Variants in TSHZ2 observed in about 807,000 individuals in gnomAD.
The protein encoded by TSHZ2 is teashirt homolog 2.
Under a neutral mutation model 74.4 loss-of-function variants are expected in TSHZ2, and 21 were observed. The observed-to-expected ratio is 0.28, with a 90% confidence interval of 0.20 to 0.41. TSHZ2 has a LOEUF of 0.41. Ranked by LOEUF, TSHZ2 falls within the 10% of genes least tolerant of loss-of-function variation. The pLI is 1.00. For missense variants in TSHZ2, 1,244 were observed against 1,293.5 expected (o/e 0.96, Z 0.59); for synonymous variants, 540 against 515.3 (o/e 1.05, Z -0.65).
intron 1 of TSHZ2, among the ~76,000 whole-genome samples, chr20:53,189,512 T>C (rs550672747): frequency 6.6e-6 from 1 of 152,334 alleles, no homozygotes; most frequent in East Asian, 1.9e-4. Context: ...AACTACATGA[T>C]TATTGGTAGA....
intron 1 of TSHZ2, among the ~76,000 whole-genome samples, chr20:52,980,423 T>TG (rs1483901526): frequency 1.3e-5 from 2 of 148,960 alleles, no homozygotes; most frequent in African/African-American, 5.1e-5. Flanking sequence ...AAGGTGGGTT[T>TG]GAAGAAAAAA....
intron 1 of TSHZ2, among the ~76,000 whole-genome samples, chr20:53,085,907 A>C (rs1387885240): frequency 6.6e-6 from 1 of 152,182 alleles, no homozygotes; most frequent in Non-Finnish European, 1.5e-5. Flanking sequence ...GCAGACCTTC[A>C]TGAGGGCTTC....
chr20:53,388,510 G>C (rs2145653289), intron 2 of TSHZ2, among the ~76,000 whole-genome samples: 1 of 152,252 alleles, frequency 6.6e-6, no homozygotes, highest in Admixed American at 6.5e-5. Flanking sequence ...TCGAGAGCCT[G>C]ACAGTCACAG....
At chr20:53,203,020 T>C (rs1989046666) in intron 1 of TSHZ2, among the ~76,000 whole-genome samples, 1 of 152,110 alleles carries the variant, frequency 6.6e-6, no homozygotes, top group Non-Finnish European at 1.5e-5. Flanking sequence ...AGCTGTTTAG[T>C]CTTTTCCATC....
chr20:53,288,588 A>G (rs948759069), intron 2 of TSHZ2, among the ~76,000 whole-genome samples: 2 of 152,276 alleles, frequency 1.3e-5, no homozygotes, highest in East Asian at 1.9e-4. Flanking sequence ...TTATTCATTC[A>G]ACATATTTTT....
intron 2 of TSHZ2, among the ~76,000 whole-genome samples, chr20:53,379,208 C>T (rs575238914): frequency 7.9e-5 from 12 of 152,156 alleles, no homozygotes; most frequent in African/African-American, 2.6e-4. Flanking sequence ...AGGGCGAAAC[C>T]CCGTCTCTAT....
chr20:53,402,075 G>A (rs1186829367), intron 2 of TSHZ2, among the ~76,000 whole-genome samples: 1 of 152,126 alleles, frequency 6.6e-6, no homozygotes, highest in African/African-American at 2.4e-5. Context: ...GAGCCACCGT[G>A]CCCAGCCATA....
chr20:53,178,522 C>T (rs1300120849), intron 1 of TSHZ2: 1 of 152,096 alleles, frequency 6.6e-6, no homozygotes, highest in East Asian at 1.9e-4. Flanking sequence ...TTGGCCAAAG[C>T]TTTTTTGGGG....
At chr20:53,176,932 G>A (rs1253484607) in intron 1 of TSHZ2, among the ~76,000 whole-genome samples, 12 of 152,034 alleles carry the variant, frequency 7.9e-5, no homozygotes, top group Non-Finnish European at 1.6e-4. Context: ...TGATCCACCC[G>A]CTTCGGCCTC....
chr20:53,395,928 G>A (rs565825770), intron 2 of TSHZ2, among the ~76,000 whole-genome samples: 8 of 152,080 alleles, frequency 5.3e-5, no homozygotes, highest in South Asian at 2.1e-4. Context: ...AGTTTTAAGC[G>A]TGTTTGTTTG....
intron 2 of TSHZ2, among the ~76,000 whole-genome samples, chr20:53,455,666 A>C (rs1399852147): frequency 6.6e-6 from 1 of 151,396 alleles, no homozygotes; most frequent in Non-Finnish European, 1.5e-5. Context: ...GCACCCACTA[A>C]CTCGTCATCT....
At position 53,255,974 on chromosome 20, in the gene TSHZ2, A is replaced by G. The variant is rs377560846; in HGVS notation, c.2516A>G (p.His839Arg). 6 of 1,613,908 alleles carry G rather than the reference A, an allele frequency of 3.7e-6. No individual in the cohort carries two copies. Among genetic ancestry groups the G allele is most frequent in the Non-Finnish European group, 5.1e-6 (6 of 1,179,910 alleles). The stretch of plus-strand genomic sequence containing the variant: ...GTCTCCAGTGAAGTCTCAACTTTGC[A>G]TAAAAGAAAAGGCCGGCAGTCCAAC... ...EDVSSEVSTL[H>R]KRKGRQSNWN... is the part of the protein sequence containing the mutation. The change falls in exon 2 of 3, where the codon CAT becomes CGT. Residue 839 changes from histidine (H) to arginine (R), a missense_variant. By Grantham distance (29) the His-to-Arg change is conservative. Transcript: ENST00000371497. This position sits in a 1 kb window ranked among gnomAD's most constrained non-coding sequence, Gnocchi z 4.1.
Position 53,379,283 on chromosome 20 carries a change from G to A in TSHZ2, c.*9-107861G>A, listed in dbSNP as rs560322903. Among the ~76,000 whole-genome samples, 3 of 152,364 alleles carry A rather than the reference G, an allele frequency of 2.0e-5. No individual in the cohort carries two copies. The East Asian group carries it at 5.8e-4, about 29-fold the overall frequency. The stretch of plus-strand genomic sequence containing the variant: ...TGTAGTCCTAGCTACTCAGCAGGCT[G>A]AGGTGGGAGGATCACCTGAGCCCGG... On this transcript the variant is annotated intron_variant, in intron 2 of 2. Transcript: ENST00000371497.
intron 2 of TSHZ2, among the ~76,000 whole-genome samples, chr20:53,260,435 C>T (rs1334415660): frequency 6.6e-6 from 1 of 152,108 alleles, no homozygotes; most frequent in Non-Finnish European, 1.5e-5. Flanking sequence ...TGTGCTAATT[C>T]CCAGGGAGTA....
chr20:53,227,475 C>T (rs2123659765), intron 1 of TSHZ2, among the ~76,000 whole-genome samples: 1 of 151,586 alleles, frequency 6.6e-6, no homozygotes, highest in South Asian at 2.1e-4. Context: ...CACACACACA[C>T]ACACACACAC....
intron 2 of TSHZ2, among the ~76,000 whole-genome samples, chr20:53,446,592 A>G (rs914523215): frequency 1.3e-5 from 2 of 151,504 alleles, no homozygotes; most frequent in South Asian, 4.3e-4. Flanking sequence ...AAAAAAAAAA[A>G]AAAGAGAGAG....
chr20:53,433,760 G>C (rs1055409834), intron 2 of TSHZ2, among the ~76,000 whole-genome samples: 1 of 152,116 alleles, frequency 6.6e-6, no homozygotes, highest in African/African-American at 2.4e-5. Flanking sequence ...TTCTCATCCT[G>C]TAACCAGCAA....
At chr20:53,033,289 C>G (rs1188622114) in intron 1 of TSHZ2, among the ~76,000 whole-genome samples, 4 of 152,228 alleles carry the variant, frequency 2.6e-5, no homozygotes, top group Non-Finnish European at 1.5e-5. Flanking sequence ...CTTGCTACAT[C>G]ATAAATTGGG....
chr20:53,050,638 T>C (rs1342844577), intron 1 of TSHZ2, among the ~76,000 whole-genome samples: 1 of 152,086 alleles, frequency 6.6e-6, no homozygotes, highest in Non-Finnish European at 1.5e-5. Flanking sequence ...GAAAGTTGAG[T>C]TGAGTTGGTT....
Sources: allele counts gnomAD v4.1 joint callset (sites outside exome capture counted in the v4.1 genomes callset), GRCh38; gene constraint gnomAD v4.1.1; non-coding constraint Gnocchi (gnomAD v3.1); transcripts MANE v1.5; gene names NCBI Gene and HGNC (gene_info 2026-07-23, HGNC 2026-07-21).